The following GLIS3 variants were observed in gnomAD, a reference collection of about 807,000 sequenced individuals.
The protein encoded by GLIS3 is GLIS family zinc finger 3.
GLIS3 carries 53 observed loss-of-function variants against 78.6 expected under a neutral mutation model. The ratio of observed to expected loss-of-function variants is 0.67; its 90% confidence interval spans 0.54 to 0.85. The LOEUF is 0.85. GLIS3 is among the 40% of genes least tolerant of loss of function. The probability of loss-of-function intolerance (pLI) is 0.00; values close to 1 mark genes in which losing one functional copy is unlikely to be tolerated. For synonymous variants in GLIS3, 684 were observed against 509.9 expected (o/e 1.34, Z -4.60); for missense variants, 1,703 against 1,231.1 (o/e 1.38, Z -5.74).
At chr9:3,963,157 T>A (rs1033660545) in intron 4 of GLIS3, among the ~76,000 whole-genome samples, 2 of 152,228 alleles carry the variant, frequency 1.3e-5, no homozygotes, top group Admixed American at 6.5e-5. Flanking sequence ...ATTCATGTTC[T>A]TTGAAAGACT....
chr9:3,833,782 A>G (rs186347001), intron 9 of GLIS3, among the ~76,000 whole-genome samples: 37 of 152,298 alleles, frequency 2.4e-4, no homozygotes, highest in African/African-American at 8.9e-4. Flanking sequence ...CCTCTACTTT[A>G]AAAGTTATTT....
chr9:4,319,334 G>C (rs539547373), intron 2 of GLIS3, among the ~76,000 whole-genome samples: 2 of 152,202 alleles, frequency 1.3e-5, no homozygotes, highest in South Asian at 2.1e-4. Flanking sequence ...GATCCAGATG[G>C]GGGAGCAGGA....
intron 2 of GLIS3, among the ~76,000 whole-genome samples, chr9:4,193,496 A>G (rs550675561): frequency 6.6e-6 from 1 of 152,384 alleles, no homozygotes; most frequent in South Asian, 2.1e-4. Context: ...AAGGAAGATC[A>G]GTAAGATGGC....
the GLIS3 span, among the ~76,000 whole-genome samples, chr9:4,482,970 C>T: frequency 6.6e-6 from 1 of 152,150 alleles, no homozygotes; most frequent in Non-Finnish European, 1.5e-5. Flanking sequence ...AAAAAACATT[C>T]TAACAAGTCT....
chr9:4,103,377 G>A (rs1830517548), intron 4 of GLIS3, among the ~76,000 whole-genome samples: 1 of 152,036 alleles, frequency 6.6e-6, no homozygotes, highest in Non-Finnish European at 1.5e-5. Context: ...CAATACCATG[G>A]AGACATTACC....
intron 4 of GLIS3, among the ~76,000 whole-genome samples, chr9:3,938,529 A>G (rs1336127253): frequency 6.6e-6 from 1 of 152,186 alleles, no homozygotes; most frequent in Admixed American, 6.5e-5. Context: ...GGACGAACTA[A>G]GTAAAAAAAA....
At chr9:4,452,435 G>A in the GLIS3 span, among the ~76,000 whole-genome samples, 1 of 152,146 alleles carries the variant, frequency 6.6e-6, no homozygotes, top group Admixed American at 6.5e-5. Flanking sequence ...CACTGTCTCA[G>A]CCCCAAACCT....
chr9:4,435,007 T>C, the GLIS3 span, among the ~76,000 whole-genome samples: 2 of 152,208 alleles, frequency 1.3e-5, no homozygotes, highest in South Asian at 4.1e-4. Context: ...TGATTTGGAC[T>C]CAAAGTTGTA....
chr9:4,221,999 G>A (rs996369697), intron 2 of GLIS3, among the ~76,000 whole-genome samples: 1 of 152,208 alleles, frequency 6.6e-6, no homozygotes, highest in African/African-American at 2.4e-5. Context: ...CACAGAACCA[G>A]AAAGGGAAGG....
chr9:4,443,818 A>C, the GLIS3 span, among the ~76,000 whole-genome samples: 1 of 152,202 alleles, frequency 6.6e-6, no homozygotes, highest in Non-Finnish European at 1.5e-5. Context: ...GTTTTCCCCA[A>C]ATGCAAGAAG....
At chr9:3,935,679 C>T (rs560690275) in intron 5 of GLIS3, among the ~76,000 whole-genome samples, 5 of 152,262 alleles carry the variant, frequency 3.3e-5, no homozygotes, top group Non-Finnish European at 5.9e-5. Context: ...CTCACCAAGA[C>T]CATTTTAGGC....
chr9:4,070,772 T>C (rs1249560220), intron 4 of GLIS3: 1 of 152,180 alleles, frequency 6.6e-6, no homozygotes, highest in African/African-American at 2.4e-5. Context: ...AATCAACTAA[T>C]CAATTAAGTC....
intron 9 of GLIS3, among the ~76,000 whole-genome samples, chr9:3,849,416 C>T (rs908259614): frequency 1.3e-5 from 2 of 152,164 alleles, no homozygotes; most frequent in South Asian, 4.1e-4. Flanking sequence ...ACTAAGAGTA[C>T]GCTTGTCCTT....
intron 2 of GLIS3, among the ~76,000 whole-genome samples, chr9:4,201,337 A>C (rs1401408176): frequency 1.3e-5 from 2 of 152,222 alleles, no homozygotes. Flanking sequence ...TTACCAAACC[A>C]ATCAGACAAG....
intron 2 of GLIS3, among the ~76,000 whole-genome samples, chr9:4,155,891 C>T (rs527807653): frequency 6.6e-6 from 1 of 152,336 alleles, no homozygotes; most frequent in East Asian, 1.9e-4. Flanking sequence ...GCTGTGGGAA[C>T]CACTGCTCAA....
intron 9 of GLIS3, among the ~76,000 whole-genome samples, chr9:3,853,083 G>A (rs1329208039): frequency 2.0e-5 from 3 of 152,130 alleles, no homozygotes; most frequent in East Asian, 1.9e-4. Flanking sequence ...GTGGTGGTGT[G>A]TGCCTGCAGT....
chr9:4,402,721 T>C, the GLIS3 span, among the ~76,000 whole-genome samples: 3 of 152,152 alleles, frequency 2.0e-5, no homozygotes, highest in Non-Finnish European at 4.4e-5. Flanking sequence ...GTAGAATTGA[T>C]TAAGCAGAAG....
At chr9:3,996,749 T>A (rs1250091154) in intron 4 of GLIS3, among the ~76,000 whole-genome samples, 1 of 152,108 alleles carries the variant, frequency 6.6e-6, no homozygotes, top group Non-Finnish European at 1.5e-5. Flanking sequence ...CAACATTGGT[T>A]TTTTTAGAAG....
At chr9:3,867,459 G>T (rs1820661649) in intron 8 of GLIS3, among the ~76,000 whole-genome samples, 1 of 152,196 alleles carries the variant, frequency 6.6e-6, no homozygotes, top group Non-Finnish European at 1.5e-5. Context: ...GATGAAGCGT[G>T]GCTTTGGCCA....
Sources: allele counts gnomAD v4.1 joint callset (sites outside exome capture counted in the v4.1 genomes callset), GRCh38; gene constraint gnomAD v4.1.1; transcripts MANE v1.5; gene names NCBI Gene and HGNC (gene_info 2026-07-23, HGNC 2026-07-21).